STARD4: variants seen among roughly 807,000 people sequenced by gnomAD.
STARD4 encodes the protein StAR related lipid transfer domain containing 4, also known as stAR-related lipid transfer protein 4.
STARD4 carries 33 observed loss-of-function variants against 24.9 expected under a neutral mutation model. The observed-to-expected ratio is 1.32, with a 90% CI of 1.00 to 1.77. The LOEUF is 1.77. Among genes scored for constraint, STARD4 ranks in the 40% most tolerant of loss-of-function variants. The probability of loss-of-function intolerance (pLI) is 0.00; values close to 1 mark genes in which losing one functional copy is unlikely to be tolerated. For missense variants in STARD4, 238 were observed against 249.3 expected (o/e 0.95, Z 0.31); for synonymous variants, 88 against 77.4 (o/e 1.14, Z -0.72).
rs1756264183 is a variant in STARD4 at position 111,499,259 on chromosome 5, A to G, written c.*627T>C. ...CACCCACAGAATTAGGGGACCCACA[A>G]TACTCAATTCTAATCATTATAAAAT... On this transcript the variant is annotated 3_prime_UTR_variant, in exon 6 of 6. Transcript: ENST00000296632. The G allele has an allele frequency of 6.6e-6, 1 of 152,224 alleles. No individual in the cohort carries two copies. The highest frequency in any genetic ancestry group is 6.5e-5 in the Admixed American group (1 of 15,276). The allele number at this position is 152,224 out of a possible 1,614,324, so 9.4% of individuals were successfully genotyped here.
intron 3 of STARD4, among the ~76,000 whole-genome samples, chr5:111,503,777 A>T (rs1037918314): frequency 5.3e-5 from 8 of 152,218 alleles, no homozygotes; most frequent in Admixed American, 1.3e-4. Flanking sequence ...AGATCAATTA[A>T]AATTAAAAAC....
In STARD4 at chr5:111,502,120, T is replaced by G. The variant is rs746688309; in HGVS notation, c.156-32A>C. 34 of 1,599,360 alleles carry G rather than the reference T, an allele frequency of 2.1e-5. 1 individual carries two copies. The South Asian group carries it at 3.6e-4, about 17-fold the overall frequency. ...AAAAAAAGTTTAAGTCAACCGCTGT[T>G]ACAATAAAAAAATTTCAGCATACCC... On this transcript the variant is annotated intron_variant, in intron 3 of 5. Transcript: ENST00000296632.
In STARD4 at chr5:111,499,756, G is replaced by A. The variant is rs1000842576; in HGVS notation, c.*130C>T. 2 of 780,016 alleles carry A rather than the reference G, an allele frequency of 2.6e-6. No individual in the cohort carries two copies. Among genetic ancestry groups the A allele is most frequent in the African/African-American group, 3.5e-5 (2 of 56,868 alleles). 48.3% of individuals were successfully genotyped at this position (780,016 alleles called of 1,614,324 possible). A position where few individuals can be genotyped will look rare whatever the true frequency, so the allele number is the denominator to read the frequency against. On this transcript the variant is annotated 3_prime_UTR_variant, in exon 6 of 6. Coordinates refer to ENST00000296632, the MANE Select transcript of STARD4 (RefSeq NM_139164.3). ...TACTTTAGGAATAAAACCAAACATTGTACTAGTGAACCAAAAACATTTCAA... is the reference window on the plus strand; with the variant it reads ...TACTTTAGGAATAAAACCAAACATTATACTAGTGAACCAAAAACATTTCAA...
chr5:111,500,971 GA>G (rs768799798), intron 5 of STARD4, 30 bp downstream of exon 5: 4 of 1,613,198 alleles, frequency 2.5e-6, no homozygotes, highest in Non-Finnish European at 2.5e-6. Flanking sequence ...AAACCATACT[GA>G]AAAAAAGCAT....
chr5:111,508,726 G>A (rs1757039389), intron 1 of STARD4, among the ~76,000 whole-genome samples: 1 of 152,132 alleles, frequency 6.6e-6, no homozygotes, highest in Non-Finnish European at 1.5e-5. Flanking sequence ...GTGCCAAATA[G>A]TCTAATTCAG....
chr5:111,502,655 T>C (rs192945514), intron 3 of STARD4, among the ~76,000 whole-genome samples: 2 of 151,404 alleles, frequency 1.3e-5, no homozygotes, highest in Admixed American at 1.3e-4. Flanking sequence ...TATCCAGGCA[T>C]GGTGGCTCCT....
At chr5:111,504,147 G>A (rs559300414) in intron 3 of STARD4, among the ~76,000 whole-genome samples, 1 of 152,284 alleles carries the variant, frequency 6.6e-6, no homozygotes, top group South Asian at 2.1e-4. Context: ...TGTCTAGTAA[G>A]GTTGGAAGAT....
intron 3 of STARD4, chr5:111,506,078 G>A (rs940528130): frequency 1.1e-4 from 23 of 214,872 alleles, no homozygotes; most frequent in African/African-American, 4.6e-4. Flanking sequence ...CCTGTAATCC[G>A]AGCTACTCGG....
At chr5:111,505,573 T>C (rs957564436) in intron 3 of STARD4, among the ~76,000 whole-genome samples, 44 of 152,190 alleles carry the variant, frequency 2.9e-4, no homozygotes, top group African/African-American at 1.0e-3. Flanking sequence ...GCATATTCTA[T>C]CACAAATGTT....
chr5:111,501,188 T>C (rs1478444346), intron 4 of STARD4, 72 bp from the exon 5 acceptor site: 3 of 1,424,870 alleles, frequency 2.1e-6, no homozygotes, highest in Non-Finnish European at 2.8e-6. Context: ...CATAAACTTA[T>C]CTCTGGAAAG....
At chr5:111,503,020 C>T (rs531534557) in intron 3 of STARD4, among the ~76,000 whole-genome samples, 23 of 152,166 alleles carry the variant, frequency 1.5e-4, no homozygotes, top group African/African-American at 5.3e-4. Flanking sequence ...CATAAGGTTT[C>T]CACTTATTTT....
Position 111,499,359 on chromosome 5 carries a change from A to AT in STARD4, c.*526dup, listed in dbSNP as rs1489663723. The AT allele has an allele frequency of 6.5e-6, 1 of 152,680 alleles. No individual in the cohort carries two copies. Among genetic ancestry groups the AT allele is most frequent in the Non-Finnish European group, 1.5e-5 (1 of 68,424 alleles). 9.5% of individuals were successfully genotyped at this position (152,680 alleles called of 1,614,324 possible). On this transcript the variant is annotated 3_prime_UTR_variant, in exon 6 of 6. Coordinates refer to ENST00000296632, the MANE Select transcript of STARD4 (RefSeq NM_139164.3). ...GACTGATGCTTTTAAGAGTCTCAAG[A>AT]TAAGTCTTGGACACCAACTGAATTC...
chr5:111,512,389 A>G lies in STARD4; in HGVS notation c.-14T>C, dbSNP rs1382011054. 1 of 152,382 alleles carries G rather than the reference A, an allele frequency of 6.6e-6. No homozygotes were observed. 9.4% of individuals were successfully genotyped at this position (152,382 alleles called of 1,614,324 possible). A position where few individuals can be genotyped will look rare whatever the true frequency, so the allele number is the denominator to read the frequency against. ...CGGCTCCGTGGCTCTCCTTACCTTT[A>G]CCTGAGGTGAAGCAAGGACGTGGAA... On this transcript the variant is annotated 5_prime_UTR_variant, in exon 1 of 6. Transcript: ENST00000296632.
rs1400054994 is a variant in STARD4, at chr5:111,497,903, G to A, written c.*1983C>T. 1 of 151,998 alleles carries A rather than the reference G, an allele frequency of 6.6e-6. No homozygotes were observed. 9.4% of individuals were successfully genotyped at this position (151,998 alleles called of 1,614,324 possible). ...CTGCTGTAATTATCCTGGCAACAGT[G>A]ATAAACTTTAGATTTGTGTTAGGTA... is the stretch of plus-strand genomic sequence containing the variant. On this transcript the variant is annotated 3_prime_UTR_variant, in exon 6 of 6. Coordinates refer to ENST00000296632, the MANE Select transcript of STARD4 (RefSeq NM_139164.3).
intron 4 of STARD4, among the ~76,000 whole-genome samples, chr5:111,501,327 G>C (rs184097534): frequency 6.6e-6 from 1 of 152,256 alleles, no homozygotes; most frequent in African/African-American, 2.4e-5. Flanking sequence ...TCAAAATACA[G>C]AGGTACAAGT....
At chr5:111,506,702 AC>A (rs1400981396) in intron 2 of STARD4, among the ~76,000 whole-genome samples, 11 of 152,294 alleles carry the variant, frequency 7.2e-5, no homozygotes, top group Non-Finnish European at 1.5e-4. Flanking sequence ...ATGCATTCAG[AC>A]TCTAACACTA....
At chr5:111,504,614 A>G (rs1756710517) in intron 3 of STARD4, among the ~76,000 whole-genome samples, 1 of 152,196 alleles carries the variant, frequency 6.6e-6, no homozygotes, top group Non-Finnish European at 1.5e-5. Context: ...TTTTTTTAAA[A>G]AAGCATGTGA....
intron 3 of STARD4, among the ~76,000 whole-genome samples, chr5:111,502,930 G>A (rs1756573210): frequency 1.3e-5 from 2 of 152,018 alleles, no homozygotes; most frequent in Admixed American, 1.3e-4. Flanking sequence ...TAAGAGAACT[G>A]AGGGCTATAC....
chr5:111,507,591 G>T lies in STARD4; in HGVS notation c.-9-149C>A. ...CCCAAATCAACTAATCATAATCTCT[G>T]AGAGTAGGACCCGGGCATAGTTTTT... is the stretch of plus-strand genomic sequence containing the variant. On this transcript the variant is annotated intron_variant, in intron 1 of 5. Transcript: ENST00000296632. The surrounding 1 kb of genome is among the most constrained non-coding windows in gnomAD (Gnocchi z 4.4). The T allele has an allele frequency of 1.9e-6, 1 of 537,264 alleles. No individual in the cohort carries two copies. The highest frequency in any genetic ancestry group is 3.2e-6 in the Non-Finnish European group (1 of 313,324). The allele number at this position is 537,264 out of a possible 1,614,324, so 33.3% of individuals were successfully genotyped here. A position where few individuals can be genotyped will look rare whatever the true frequency, so the allele number is the denominator to read the frequency against.
Sources: gnomAD v4.1 joint callset for allele counts (sites outside exome capture counted in the v4.1 genomes callset) on GRCh38, gnomAD v4.1.1 for gene constraint, Gnocchi (gnomAD v3.1) non-coding constraint, MANE v1.5 for transcripts, NCBI Gene and HGNC (gene_info 2026-07-23, HGNC 2026-07-21) for gene names.